Variants in LAMC1 observed in about 807,000 individuals in gnomAD.
The protein encoded by LAMC1 is laminin subunit gamma-1.
Under a neutral mutation model 173.6 loss-of-function variants are expected in LAMC1, and 38 were observed. The ratio of observed to expected loss-of-function variants is 0.22; its 90% confidence interval spans 0.17 to 0.29. The LOEUF is 0.29. Among genes scored for constraint, LAMC1 ranks in the 10% least tolerant of loss-of-function variants. The pLI, the probability that LAMC1 is intolerant of heterozygous loss-of-function variation, is 1.00. For synonymous variants in LAMC1, 746 were observed against 749.1 expected (o/e 1.00, Z 0.07); for missense variants, 1,824 against 2,051.8 (o/e 0.89, Z 2.14).
At position 183,103,648 on chromosome 1, in the gene LAMC1, T is replaced by G. The variant is rs1198714361; in HGVS notation, c.723+16T>G. ...TGTGCTGCAGGTAAATTCTCACAGG[T>G]TGGCCTGAAGCCAGCTAGTTCTACA... is the stretch of plus-strand genomic sequence containing the variant. On this transcript the variant is annotated intron_variant, in intron 2 of 27. Coordinates refer to ENST00000258341, the MANE Select transcript of LAMC1 (RefSeq NM_002293.4). 1.3e-6 allele frequency: 2 copies of G among 1,526,420 alleles called. No homozygotes were observed. The highest frequency in any genetic ancestry group is 4.3e-5 in the Admixed American group (2 of 46,090). The allele number at this position is 1,526,420 out of a possible 1,614,324, so 94.6% of individuals were successfully genotyped here. A position where few individuals can be genotyped will look rare whatever the true frequency, so the allele number is the denominator to read the frequency against.
intron 1 of LAMC1, among the ~76,000 whole-genome samples, chr1:183,079,371 C>T (rs555313210): frequency 6.6e-6 from 1 of 150,502 alleles, no homozygotes; most frequent in Admixed American, 6.7e-5. Flanking sequence ...TCTCCTGCCT[C>T]AGCCTCCCAA....
chr1:183,131,038 G>GT (rs761594171), intron 19 of LAMC1, among the ~76,000 whole-genome samples: 7 of 152,108 alleles, frequency 4.6e-5, no homozygotes, highest in Non-Finnish European at 8.8e-5. Context: ...GCCGGGTATG[G>GT]TGGTGCATGC....
At chr1:183,139,515 C>T (rs954724494) in intron 26 of LAMC1, among the ~76,000 whole-genome samples, 5 of 152,254 alleles carry the variant, frequency 3.3e-5, no homozygotes, top group African/African-American at 1.2e-4. Flanking sequence ...GGACAGCTGC[C>T]GTTTGGACAG....
At chr1:183,029,974 C>A (rs1272612536) in intron 1 of LAMC1, among the ~76,000 whole-genome samples, 1 of 152,098 alleles carries the variant, frequency 6.6e-6, no homozygotes, top group African/African-American at 2.4e-5. Flanking sequence ...AAATGATGGC[C>A]TTCTTAGCCA....
chr1:183,076,685 A>T (rs1344745347), intron 1 of LAMC1, among the ~76,000 whole-genome samples: 4 of 152,190 alleles, frequency 2.6e-5, no homozygotes. Context: ...CCCCATCAAG[A>T]CAAAGTCCGT....
In LAMC1 at chr1:183,023,836, C is replaced by T. The variant is rs148799662; in HGVS notation, c.120C>T (p.Cys40=). The T allele has an allele frequency of 1.3e-5, 20 of 1,599,412 alleles. No homozygotes were observed. In the African/African-American group the frequency reaches 1.7e-4, roughly 14 times the overall value. Residue 40 remains cysteine (C), a synonymous_variant, in exon 1 of 28, where the codon TGC becomes TGT. Coordinates refer to ENST00000258341, the MANE Select transcript of LAMC1 (RefSeq NM_002293.4). ...GTGCCCAGGCAGCCATGGACGAGTG[C>T]ACGGACGAGGGCGGGCGGCCGCAGC... ...AGCAQAAMDE[C]TDEGGRPQRC... is the part of the protein sequence containing the mutation.
chr1:183,136,689 C>A, intron 25 of LAMC1, 104 bp downstream of exon 25: 1 of 939,266 alleles, frequency 1.1e-6, no homozygotes, highest in Non-Finnish European at 1.6e-6. Flanking sequence ...TTTTCCTGAA[C>A]TTCAGTAAAA....
chr1:183,088,664 T>C (rs771095828), intron 1 of LAMC1, among the ~76,000 whole-genome samples: 8 of 152,190 alleles, frequency 5.3e-5, no homozygotes, highest in Middle Eastern at 3.2e-3. Context: ...CACAAAAGAA[T>C]AAATACTCAA....
intron 1 of LAMC1, among the ~76,000 whole-genome samples, chr1:183,037,342 T>A (rs1159096575): frequency 2.7e-5 from 3 of 111,022 alleles, no homozygotes; most frequent in African/African-American, 8.5e-5. Context: ...TGAGAATTGC[T>A]GAGTTAGTTC....
At chr1:183,081,577 T>C (rs2102050865) in intron 1 of LAMC1, among the ~76,000 whole-genome samples, 1 of 150,754 alleles carries the variant, frequency 6.6e-6, no homozygotes, top group East Asian at 2.0e-4. Context: ...AATAAATAAA[T>C]AAATAAATAA....
intron 1 of LAMC1, among the ~76,000 whole-genome samples, chr1:183,039,296 A>G (rs2102013664): frequency 6.6e-6 from 1 of 152,060 alleles, no homozygotes; most frequent in Non-Finnish European, 1.5e-5. Flanking sequence ...AAACCAAAAG[A>G]GCAATTGTGT....
intron 1 of LAMC1, among the ~76,000 whole-genome samples, chr1:183,093,495 GTT>G (rs1655616267): frequency 6.6e-6 from 1 of 152,042 alleles, no homozygotes; most frequent in Non-Finnish European, 1.5e-5. Flanking sequence ...ATTGCTAAAA[GTT>G]GGTATGTCCC....
At chr1:183,024,388 C>T (rs1356012772) in intron 1 of LAMC1, among the ~76,000 whole-genome samples, 1 of 152,242 alleles carries the variant, frequency 6.6e-6, no homozygotes, top group Non-Finnish European at 1.5e-5. Flanking sequence ...GATTCTGGCT[C>T]TCTGATTATT....
At chr1:183,131,514 C>G in intron 20 of LAMC1, 136 bp downstream of exon 20, 1 of 585,792 alleles carries the variant, frequency 1.7e-6, no homozygotes, top group Admixed American at 2.6e-5. Context: ...CTTTTGCACA[C>G]TTTGCTCTCT....
intron 1 of LAMC1, among the ~76,000 whole-genome samples, chr1:183,098,333 A>G (rs1464757331): frequency 2.0e-5 from 3 of 152,198 alleles, no homozygotes; most frequent in Non-Finnish European, 4.4e-5. Flanking sequence ...GATAACACAC[A>G]TACCTCGCAC....
chr1:183,144,084 A>G lies in LAMC1; in HGVS notation c.*1294A>G, dbSNP rs775774280. Reference sequence around the variant, plus strand: ...TTCCTAGTGGGCTTCTCAACTTTTGATCCTCAGCTCTGTGGTTTTAAGACC... The same window carrying G: ...TTCCTAGTGGGCTTCTCAACTTTTGGTCCTCAGCTCTGTGGTTTTAAGACC... On this transcript the variant is annotated 3_prime_UTR_variant, in exon 28 of 28. Transcript: ENST00000258341. 2 of 152,376 alleles carry G rather than the reference A, an allele frequency of 1.3e-5. No individual in the cohort carries two copies. Among genetic ancestry groups the G allele is most frequent in the Admixed American group, 6.6e-5 (1 of 15,246 alleles). The allele number at this position is 152,376 out of a possible 1,614,324, so 9.4% of individuals were successfully genotyped here. A position where few individuals can be genotyped will look rare whatever the true frequency, so the allele number is the denominator to read the frequency against.
chr1:183,050,216 T>C (rs1654379159), intron 1 of LAMC1, among the ~76,000 whole-genome samples: 1 of 152,096 alleles, frequency 6.6e-6, no homozygotes, highest in Non-Finnish European at 1.5e-5. Flanking sequence ...ACATTGTGAC[T>C]GTTGTAATAG....
intron 1 of LAMC1, among the ~76,000 whole-genome samples, chr1:183,057,815 AAT>A (rs1482872922): frequency 2.0e-5 from 3 of 152,140 alleles, no homozygotes. Context: ...GGAAGTTGAA[AAT>A]ATATGTCATA....
At chr1:183,084,292 A>C (rs1655366390) in intron 1 of LAMC1, among the ~76,000 whole-genome samples, 1 of 152,178 alleles carries the variant, frequency 6.6e-6, no homozygotes, top group Admixed American at 6.5e-5. Flanking sequence ...GCAGTGAGCC[A>C]AGATCGCGCC....
Sources: allele counts gnomAD v4.1 joint callset (sites outside exome capture counted in the v4.1 genomes callset), GRCh38; gene constraint gnomAD v4.1.1; transcripts MANE v1.5; gene names NCBI Gene and HGNC (gene_info 2026-07-23, HGNC 2026-07-21).